The following CWC27 variants were observed in gnomAD, a reference collection of about 807,000 sequenced individuals.
CWC27 encodes spliceosome-associated protein CWC27 homolog.
In CWC27, 47 loss-of-function variants were observed where a neutral mutation model predicts 63.6. The observed-to-expected ratio is 0.74, with a 90% CI of 0.58 to 0.94. The LOEUF (loss-of-function observed/expected upper bound fraction) is 0.94, where lower values mean the gene tolerates loss of function less well. Ranked by LOEUF, CWC27 falls within the 40% of genes least tolerant of loss-of-function variation. The pLI is 0.00. For synonymous variants in CWC27, 175 were observed against 179.8 expected (o/e 0.97, Z 0.22); for missense variants, 495 against 554.3 (o/e 0.89, Z 1.07).
chr5:64,949,440 A>G (rs1748659634), intron 11 of CWC27, among the ~76,000 whole-genome samples: 1 of 151,922 alleles, frequency 6.6e-6, no homozygotes, highest in Non-Finnish European at 1.5e-5. Context: ...TTGTTGGGCT[A>G]TTTTAACAAC....
intron 6 of CWC27, among the ~76,000 whole-genome samples, chr5:64,787,352 G>A (rs1305223560): frequency 6.6e-6 from 1 of 152,046 alleles, no homozygotes. Flanking sequence ...TTAATAAATA[G>A]ATACATATTT....
intron 10 of CWC27, among the ~76,000 whole-genome samples, chr5:64,824,625 T>C (rs1168791314): frequency 4.6e-5 from 7 of 151,156 alleles, no homozygotes; most frequent in African/African-American, 4.9e-5. Context: ...ATGTCAGTCC[T>C]AAGGGTACCT....
chr5:64,919,922 A>G (rs940241835), intron 11 of CWC27, among the ~76,000 whole-genome samples: 2 of 152,136 alleles, frequency 1.3e-5, no homozygotes, highest in Admixed American at 1.3e-4. Context: ...TTGGATATTT[A>G]CCCAATAGTG....
intron 10 of CWC27, among the ~76,000 whole-genome samples, chr5:64,855,494 G>A (rs1156793217): frequency 2.0e-5 from 3 of 152,064 alleles, no homozygotes; most frequent in South Asian, 4.2e-4. Flanking sequence ...TTCTTTGAGA[G>A]CAATATAAGA....
At chr5:64,976,068 A>T (rs911053435) in intron 12 of CWC27, among the ~76,000 whole-genome samples, 15 of 152,178 alleles carry the variant, frequency 9.9e-5, no homozygotes, top group Non-Finnish European at 1.6e-4. Context: ...ACTCTGTCTC[A>T]AAAAAATAAA....
intron 6 of CWC27, among the ~76,000 whole-genome samples, chr5:64,787,179 G>A (rs1195742625): frequency 2.0e-5 from 3 of 152,042 alleles, no homozygotes; most frequent in African/African-American, 4.8e-5. Flanking sequence ...GGAATTACTC[G>A]AGATGAGATT....
intron 11 of CWC27, among the ~76,000 whole-genome samples, chr5:64,916,173 C>T (rs1362751351): frequency 3.9e-5 from 6 of 152,270 alleles, no homozygotes; most frequent in South Asian, 2.1e-4. Context: ...ACTAATTTTA[C>T]AAGATTTTCC....
intron 10 of CWC27, among the ~76,000 whole-genome samples, chr5:64,858,366 G>A (rs1488221219): frequency 6.7e-6 from 1 of 149,628 alleles, no homozygotes; most frequent in Non-Finnish European, 1.5e-5. Context: ...GGAGGCTGAG[G>A]CAGGAGAATG....
At chr5:64,784,953 A>G (rs569706433) in intron 4 of CWC27, among the ~76,000 whole-genome samples, 75 of 152,338 alleles carry the variant, frequency 4.9e-4, no homozygotes, top group African/African-American at 1.7e-3. Flanking sequence ...ATTGGGTTAT[A>G]TAACTAACAC....
intron 11 of CWC27, among the ~76,000 whole-genome samples, chr5:64,921,506 A>G (rs539805694): frequency 4.6e-5 from 7 of 152,040 alleles, no homozygotes; most frequent in Non-Finnish European, 8.8e-5. Flanking sequence ...TTTGTCTTCC[A>G]TTTGCCTGGT....
intron 10 of CWC27, among the ~76,000 whole-genome samples, chr5:64,868,060 G>C (rs553088864): frequency 6.6e-6 from 1 of 151,986 alleles, no homozygotes; most frequent in East Asian, 1.9e-4. Context: ...CTGAATAAAT[G>C]TAAAATCAGA....
intron 10 of CWC27, chr5:64,808,525 T>A (rs933625988): frequency 1.1e-5 from 2 of 178,306 alleles, no homozygotes; most frequent in Non-Finnish European, 2.2e-5. Context: ...TTTTTGTAAA[T>A]ACATGAACAA....
chr5:65,017,712 A>G (rs148569599), intron 13 of CWC27, among the ~76,000 whole-genome samples: 19 of 152,212 alleles, frequency 1.2e-4, no homozygotes, highest in Non-Finnish European at 2.4e-4. Context: ...TGTATTCCCA[A>G]CTCTTGACCC....
intron 13 of CWC27, among the ~76,000 whole-genome samples, chr5:64,996,770 G>GA (rs1046868357): frequency 3.3e-5 from 5 of 151,842 alleles, no homozygotes; most frequent in African/African-American, 4.8e-5. Context: ...TTTTCTGCTA[G>GA]AAAAAAAATC....
chr5:64,783,703 A>T, intron 3 of CWC27, 133 bp from the exon 4 acceptor site: 1 of 720,650 alleles, frequency 1.4e-6, no homozygotes, highest in Non-Finnish European at 2.2e-6. Context: ...AATAGTAAAT[A>T]CTTGAAAATC....
At chr5:65,011,754 G>A (rs768625053) in intron 13 of CWC27, among the ~76,000 whole-genome samples, 1 of 152,298 alleles carries the variant, frequency 6.6e-6, no homozygotes, top group Admixed American at 6.5e-5. Context: ...TTAGTAATTC[G>A]ATGGCTGAGA....
chr5:64,987,962 G>A (rs2112455526), intron 13 of CWC27, among the ~76,000 whole-genome samples: 1 of 152,212 alleles, frequency 6.6e-6, no homozygotes, highest in African/African-American at 2.4e-5. Context: ...GTAGGTTTGT[G>A]TCTTTCACCA....
At position 64,907,342 on chromosome 5, in the gene CWC27, T is replaced by C. The variant is rs536948042; in HGVS notation, c.1042+21796T>C. Among the ~76,000 whole-genome samples, 109 of 152,342 alleles carry C rather than the reference T, an allele frequency of 7.2e-4. 2 individuals carry two copies. The South Asian group carries it at 0.01, about 14-fold the overall frequency. On this transcript the variant is annotated intron_variant, in intron 11 of 13. Transcript: ENST00000381070. ...TTTGTTTGTATCCTCTTTTATTTCATTGAGCAGCGGTTTATAGTTCTCCTT... is the reference window on the plus strand; with the variant it reads ...TTTGTTTGTATCCTCTTTTATTTCACTGAGCAGCGGTTTATAGTTCTCCTT...
intron 11 of CWC27, among the ~76,000 whole-genome samples, chr5:64,942,129 A>G (rs1748494321): frequency 6.6e-6 from 1 of 152,050 alleles, no homozygotes; most frequent in South Asian, 2.1e-4. Context: ...TTTTATACTA[A>G]TAAAGAAAAA....
Sources: gnomAD v4.1 joint callset for allele counts (sites outside exome capture counted in the v4.1 genomes callset) on GRCh38, gnomAD v4.1.1 for gene constraint, MANE v1.5 for transcripts, NCBI Gene and HGNC (gene_info 2026-07-23, HGNC 2026-07-21) for gene names.